Variants in CDKAL1 observed in about 807,000 individuals in gnomAD.
CDKAL1 encodes threonylcarbamoyladenosine tRNA methylthiotransferase.
Under a neutral mutation model 68.2 loss-of-function variants are expected in CDKAL1, and 32 were observed. The ratio of observed to expected loss-of-function variants is 0.47; its 90% confidence interval spans 0.35 to 0.63. The LOEUF is 0.63. Ranked by LOEUF, CDKAL1 falls within the 30% of genes least tolerant of loss-of-function variation. The probability of loss-of-function intolerance (pLI) is 0.00; values close to 1 mark genes in which losing one functional copy is unlikely to be tolerated. For missense variants in CDKAL1, 606 were observed against 696.7 expected (o/e 0.87, Z 1.47); for synonymous variants, 234 against 244.3 (o/e 0.96, Z 0.39).
intron 12 of CDKAL1, among the ~76,000 whole-genome samples, chr6:21,089,300 A>T (rs1490801354): frequency 1.3e-5 from 2 of 151,950 alleles, no homozygotes; most frequent in Non-Finnish European, 2.9e-5. Flanking sequence ...ACATAGTGAG[A>T]CCCCTGTCTC....
At chr6:21,055,489 A>G (rs1030560080) in intron 11 of CDKAL1, among the ~76,000 whole-genome samples, 2 of 152,088 alleles carry the variant, frequency 1.3e-5, no homozygotes, top group African/African-American at 4.8e-5. Context: ...TCACCTAGGT[A>G]TTAAGCTCAG....
Position 20,992,765 on chromosome 6 carries a change from G to C in CDKAL1, c.910-7462G>C, listed in dbSNP as rs543681045. Among the ~76,000 whole-genome samples, 49 of 152,070 alleles carry C rather than the reference G, an allele frequency of 3.2e-4. No individual in the cohort carries two copies. The South Asian group carries it at 6.2e-3, about 19-fold the overall frequency. ...AAAAATGTAAAAATTAGCCTGGCGT[G>C]GTGGCATGTGCTTGTCATCCCATCT... On this transcript the variant is annotated intron_variant, in intron 10 of 15. Coordinates refer to ENST00000274695, the MANE Select transcript of CDKAL1 (RefSeq NM_017774.3).
chr6:21,046,735 G>A (rs1208716972), intron 11 of CDKAL1, among the ~76,000 whole-genome samples: 1 of 152,218 alleles, frequency 6.6e-6, no homozygotes, highest in Non-Finnish European at 1.5e-5. Context: ...ACAGGGAAAG[G>A]GCTCTTGGCC....
Position 21,218,974 on chromosome 6 carries a change from TC to T in CDKAL1, c.1549-11872del, listed in dbSNP as rs964412339. Reference sequence around the variant, plus strand: ...ATATTAATCTAATTTTAAGTGCCTTTCCATAGGATCATTATTTTTTACTTTT... The same window carrying T: ...ATATTAATCTAATTTTAAGTGCCTTTCATAGGATCATTATTTTTTACTTTT... On this transcript the variant is annotated intron_variant, in intron 15 of 15. Coordinates refer to ENST00000274695, the MANE Select transcript of CDKAL1 (RefSeq NM_017774.3). Among the ~76,000 whole-genome samples, 5 of 152,148 alleles carry T rather than the reference TC, an allele frequency of 3.3e-5. No individual in the cohort carries two copies. The East Asian group carries it at 9.6e-4, about 29-fold the overall frequency.
intron 13 of CDKAL1, among the ~76,000 whole-genome samples, chr6:21,180,435 CTTGTT>C (rs1227770015): frequency 6.6e-6 from 1 of 151,304 alleles, no homozygotes; most frequent in African/African-American, 2.4e-5. Flanking sequence ...CACCAGCAGG[CTTGTT>C]TTAAGTCAGC....
At chr6:20,749,096 A>C (rs1349593109) in intron 6 of CDKAL1, among the ~76,000 whole-genome samples, 1 of 152,168 alleles carries the variant, frequency 6.6e-6, no homozygotes, top group African/African-American at 2.4e-5. Context: ...AGCCAGATTC[A>C]TGCAGTCTTA....
chr6:20,846,435 C>G (rs1240798053), intron 9 of CDKAL1, among the ~76,000 whole-genome samples: 1 of 152,210 alleles, frequency 6.6e-6, no homozygotes, highest in African/African-American at 2.4e-5. Context: ...TCACCCACCT[C>G]TAGACTCCAT....
intron 5 of CDKAL1, among the ~76,000 whole-genome samples, chr6:20,680,030 C>T (rs1274260942): frequency 6.6e-6 from 1 of 151,318 alleles, no homozygotes; most frequent in Non-Finnish European, 1.5e-5. Context: ...TTTTTGCTTT[C>T]TGATTCCATC....
At chr6:20,739,476 C>CA (rs755349504) in intron 5 of CDKAL1, 43 bp from the exon 6 acceptor site, 3 of 1,244,274 alleles carry the variant, frequency 2.4e-6, no homozygotes, top group Non-Finnish European at 3.5e-6. Context: ...AGAGTATACC[C>CA]ATGAGCAAAG....
At chr6:20,920,626 T>G (rs905759496) in intron 9 of CDKAL1, among the ~76,000 whole-genome samples, 1 of 152,242 alleles carries the variant, frequency 6.6e-6, no homozygotes, top group African/African-American at 2.4e-5. Context: ...GTTTATTGTT[T>G]TTAGGATTAT....
chr6:20,709,198 G>A lies in CDKAL1; in HGVS notation c.372-30321G>A, dbSNP rs192470933. On this transcript the variant is annotated intron_variant, in intron 5 of 15. Transcript: ENST00000274695. The stretch of plus-strand genomic sequence containing the variant: ...TTAGATATTATTTAGGGAGAGTCTT[G>A]AAGTTCCTTTGCTCTACAGCACACC... Among the ~76,000 whole-genome samples, 81 of 152,200 alleles carry A rather than the reference G, an allele frequency of 5.3e-4. 1 individual carries two copies. The highest frequency in any genetic ancestry group is 5.0e-3 in the Admixed American group (76 of 15,282).
intron 5 of CDKAL1, among the ~76,000 whole-genome samples, chr6:20,673,851 C>T (rs1769964568): frequency 6.6e-6 from 1 of 152,196 alleles, no homozygotes; most frequent in Non-Finnish European, 1.5e-5. Context: ...GTCCAATAAA[C>T]CTCTTTCTTT....
At chr6:21,068,186 C>A (rs1376482328) in intron 12 of CDKAL1, among the ~76,000 whole-genome samples, 1 of 151,924 alleles carries the variant, frequency 6.6e-6, no homozygotes, top group Non-Finnish European at 1.5e-5. Flanking sequence ...CTTCATGGTG[C>A]CTTTTGAAGA....
intron 4 of CDKAL1, among the ~76,000 whole-genome samples, chr6:20,618,966 A>C (rs1382957500): frequency 6.6e-6 from 1 of 152,166 alleles, no homozygotes; most frequent in African/African-American, 2.4e-5. Flanking sequence ...GGGGTGAGCC[A>C]TTGCACCTGG....
chr6:20,996,024 A>C (rs1767087661), intron 10 of CDKAL1, among the ~76,000 whole-genome samples: 1 of 152,232 alleles, frequency 6.6e-6, no homozygotes, highest in Non-Finnish European at 1.5e-5. Context: ...TTGCACTTTC[A>C]TGTTATGGAA....
intron 9 of CDKAL1, among the ~76,000 whole-genome samples, chr6:20,946,364 TA>T (rs1764236901): frequency 6.6e-6 from 1 of 152,218 alleles, no homozygotes; most frequent in Non-Finnish European, 1.5e-5. Context: ...CATGGCTTAG[TA>T]CCTTGATTCA....
intron 9 of CDKAL1, among the ~76,000 whole-genome samples, chr6:20,879,034 G>T (rs984162482): frequency 2.1e-5 from 3 of 143,140 alleles, no homozygotes; most frequent in African/African-American, 7.8e-5. Flanking sequence ...AGCCGAGATC[G>T]CACCATTGCA....
chr6:20,782,772 T>C (rs998208988), intron 8 of CDKAL1, among the ~76,000 whole-genome samples: 8 of 152,326 alleles, frequency 5.3e-5, no homozygotes, highest in African/African-American at 1.9e-4. Context: ...AGGGATTTAA[T>C]GCATATTTAT....
chr6:20,866,778 G>C, intron 9 of CDKAL1, among the ~76,000 whole-genome samples: 1 of 152,152 alleles, frequency 6.6e-6, no homozygotes, highest in East Asian at 1.9e-4. Context: ...TTAGCATCAG[G>C]ACGGTTTTGC....
Sources: allele counts gnomAD v4.1 joint callset (sites outside exome capture counted in the v4.1 genomes callset), GRCh38; gene constraint gnomAD v4.1.1; transcripts MANE v1.5; gene names NCBI Gene and HGNC (gene_info 2026-07-23, HGNC 2026-07-21).